The following ZC3H12B variants were observed in gnomAD, a reference collection of about 807,000 sequenced individuals.
The protein encoded by ZC3H12B is zinc finger CCCH-type containing 12B, also known as probable ribonuclease ZC3H12B.
In ZC3H12B, 7 loss-of-function variants were observed where a neutral mutation model predicts 43.9. That is an observed-to-expected ratio of 0.16 (90% CI 0.09 to 0.30). The LOEUF (loss-of-function observed/expected upper bound fraction) is 0.30. Among genes scored for constraint, ZC3H12B ranks in the 10% least tolerant of loss-of-function variants. The pLI is 1.00. For synonymous variants in ZC3H12B, 222 were observed against 241.7 expected, an observed-to-expected ratio of 0.92 and a Z score of 0.76; for missense variants, 475 against 670.2, an observed-to-expected ratio of 0.71 and a Z score of 3.22.
chrX:65,212,091 A>T, the ZC3H12B span, among the ~76,000 whole-genome samples: 2 of 60,200 alleles, frequency 3.3e-5, no homozygotes, highest in Non-Finnish European at 5.4e-5. Context: ...ATATTGTATA[A>T]TATATAGTAT....
the ZC3H12B span, among the ~76,000 whole-genome samples, chrX:65,294,278 T>A: frequency 9.0e-6 from 1 of 111,561 alleles, no homozygotes; most frequent in African/African-American, 3.3e-5. Flanking sequence ...AAAGGAAAGA[T>A]ATAGTCCCTT....
intron 2 of ZC3H12B, among the ~76,000 whole-genome samples, chrX:65,380,753 A>T (rs1016007936): frequency 9.0e-6 from 1 of 111,722 alleles, no homozygotes; most frequent in Non-Finnish European, 1.9e-5. Flanking sequence ...AAATAAAAGG[A>T]TGGAGGAAGA....
chrX:65,239,400 C>CT, the ZC3H12B span, among the ~76,000 whole-genome samples: 999 of 103,770 alleles, frequency 9.6e-3, 34 homozygotes, highest in Admixed American at 0.072. Flanking sequence ...AACACCTGCT[C>CT]TTTTTTTTTT....
chrX:65,273,109 G>A, the ZC3H12B span: 1 of 112,146 alleles, frequency 8.9e-6, no homozygotes, highest in East Asian at 2.8e-4. Context: ...GGTTATCCTT[G>A]ATTTTTGGAA....
At chrX:65,103,472 A>G in the ZC3H12B span, among the ~76,000 whole-genome samples, 1 of 111,605 alleles carries the variant, frequency 9.0e-6, no homozygotes, top group African/African-American at 3.3e-5. Flanking sequence ...TAACGCAATC[A>G]TCACAGGGTG....
chrX:65,376,754 C>G (rs1247966394), intron 2 of ZC3H12B, among the ~76,000 whole-genome samples: 1 of 111,814 alleles, frequency 8.9e-6, no homozygotes, highest in Non-Finnish European at 1.9e-5. Flanking sequence ...AACGTCACAA[C>G]ACTCAAGTCC....
chrX:65,239,170 G>A, the ZC3H12B span, among the ~76,000 whole-genome samples: 3 of 110,583 alleles, frequency 2.7e-5, no homozygotes, highest in South Asian at 1.2e-3. Flanking sequence ...TTGTTAGTGG[G>A]GTGTTTAAGT....
the ZC3H12B span, among the ~76,000 whole-genome samples, chrX:65,170,733 C>G: frequency 1.8e-5 from 2 of 111,420 alleles, no homozygotes; most frequent in Non-Finnish European, 3.8e-5. Flanking sequence ...TTGTTCATTT[C>G]TTTTCACTCC....
At chrX:65,190,322 T>C in the ZC3H12B span, among the ~76,000 whole-genome samples, 180 of 109,308 alleles carry the variant, frequency 1.6e-3, no homozygotes, top group African/African-American at 5.6e-3. Flanking sequence ...TATTTTTTTC[T>C]AATTCTGTGA....
intron 2 of ZC3H12B, among the ~76,000 whole-genome samples, chrX:65,370,754 T>C (rs2066233795): frequency 8.9e-6 from 1 of 111,920 alleles, no homozygotes; most frequent in South Asian, 3.7e-4. Flanking sequence ...TGAAAAGTAA[T>C]CTACCACCAA....
chrX:65,331,929 C>G, the ZC3H12B span, among the ~76,000 whole-genome samples: 1 of 111,288 alleles, frequency 9.0e-6, no homozygotes, highest in African/African-American at 3.3e-5. Context: ...AGAGGTCACT[C>G]TTGTTGCCGT....
At chrX:65,212,037 A>AATGTATAATATATAATATATATGTT in the ZC3H12B span, among the ~76,000 whole-genome samples, 1 of 64,976 alleles carries the variant, frequency 1.5e-5, no homozygotes, top group Non-Finnish European at 2.5e-5. Context: ...TGTTATGTAT[A>AATGTATAATATATAATATATATGTT]ATGTATAATA....
chrX:65,113,510 G>T, the ZC3H12B span, among the ~76,000 whole-genome samples: 1 of 109,219 alleles, frequency 9.2e-6, no homozygotes, highest in Non-Finnish European at 1.9e-5. Context: ...GTTGCAGTGA[G>T]CCATGATTAC....
chrX:65,209,687 C>A, the ZC3H12B span, among the ~76,000 whole-genome samples: 44 of 110,035 alleles, frequency 4.0e-4, no homozygotes, highest in African/African-American at 1.5e-3. Flanking sequence ...GCTACAGTAA[C>A]CAAAACAGCA....
At chrX:65,300,978 ATCAGC>A in the ZC3H12B span, among the ~76,000 whole-genome samples, 1 of 107,830 alleles carries the variant, frequency 9.3e-6, no homozygotes. Context: ...ACTCAAACAA[ATCAGC>A]AAGAAAAAAA....
chrX:65,163,462 G>T, the ZC3H12B span, among the ~76,000 whole-genome samples: 2 of 111,360 alleles, frequency 1.8e-5, no homozygotes, highest in African/African-American at 3.3e-5. Context: ...ACCTAAGCAA[G>T]CCTGAGCAAT....
the ZC3H12B span, among the ~76,000 whole-genome samples, chrX:65,251,832 TG>T: frequency 9.0e-6 from 1 of 111,404 alleles, no homozygotes; most frequent in African/African-American, 3.3e-5. Context: ...AAGGAAATTT[TG>T]GGCTGAGATG....
At chrX:65,284,150 T>C in the ZC3H12B span, among the ~76,000 whole-genome samples, 1 of 109,094 alleles carries the variant, frequency 9.2e-6, no homozygotes, top group African/African-American at 3.3e-5. Context: ...TTACCATAGA[T>C]TCATTTTCAT....
At chrX:65,143,988 G>C in the ZC3H12B span, among the ~76,000 whole-genome samples, 1 of 111,204 alleles carries the variant, frequency 9.0e-6, no homozygotes, top group East Asian at 2.8e-4. Flanking sequence ...GTCCTTTTCT[G>C]GTTTTCATAT....
Sources: gnomAD v4.1 joint callset for allele counts (sites outside exome capture counted in the v4.1 genomes callset) on GRCh38, gnomAD v4.1.1 for gene constraint, MANE v1.5 for transcripts, NCBI Gene and HGNC (gene_info 2026-07-23, HGNC 2026-07-21) for gene names.